Variants in TAS2R1 observed in about 807,000 individuals in gnomAD.
TAS2R1 encodes the protein taste receptor type 2 member 1.
For synonymous variants in TAS2R1, 141 were observed against 134.2 expected, an observed-to-expected ratio of 1.05 and a Z score of -0.35; for missense variants, 370 against 353.4, an observed-to-expected ratio of 1.05 and a Z score of -0.38.
At chr5:9,761,658 T>C in the TAS2R1 span, among the ~76,000 whole-genome samples, 1 of 152,224 alleles carries the variant, frequency 6.6e-6, no homozygotes, top group Non-Finnish European at 1.5e-5. Context: ...TTTGAATGCC[T>C]TTGCTCAGTT....
At chr5:9,809,265 C>G in the TAS2R1 span, among the ~76,000 whole-genome samples, 1 of 152,208 alleles carries the variant, frequency 6.6e-6, no homozygotes, top group South Asian at 2.1e-4. Context: ...GAATACATGT[C>G]TTTTGCATGT....
At chr5:9,870,940 G>T in the TAS2R1 span, among the ~76,000 whole-genome samples, 5 of 152,138 alleles carry the variant, frequency 3.3e-5, no homozygotes, top group Admixed American at 1.3e-4. Context: ...TCTCAAAATA[G>T]CATTTATTTG....
At chr5:9,685,673 G>T (rs1186338646) in intron 1 of TAS2R1, among the ~76,000 whole-genome samples, 2 of 152,086 alleles carry the variant, frequency 1.3e-5, no homozygotes, top group African/African-American at 2.4e-5. Context: ...ACCCATCCAG[G>T]TCTGATGGCT....
chr5:9,896,957 T>C, the TAS2R1 span, among the ~76,000 whole-genome samples: 2 of 152,142 alleles, frequency 1.3e-5, no homozygotes, highest in African/African-American at 4.8e-5. Context: ...AGAATGAATG[T>C]CGATGGTTCA....
At chr5:9,874,056 C>CA in the TAS2R1 span, among the ~76,000 whole-genome samples, 1 of 151,786 alleles carries the variant, frequency 6.6e-6, no homozygotes, top group Non-Finnish European at 1.5e-5. Context: ...CAAAGTACTA[C>CA]ATGGAGTGAG....
intron 1 of TAS2R1, among the ~76,000 whole-genome samples, chr5:9,664,020 A>C (rs1740584984): frequency 6.6e-6 from 1 of 152,150 alleles, no homozygotes; most frequent in South Asian, 2.1e-4. Flanking sequence ...TTGATTTTGG[A>C]CTTCTCATCT....
At chr5:9,638,399 A>C (rs1163120727) in intron 2 of TAS2R1, among the ~76,000 whole-genome samples, 1 of 152,188 alleles carries the variant, frequency 6.6e-6, no homozygotes, top group Non-Finnish European at 1.5e-5. Context: ...GCTTTCTTGA[A>C]TGCTGGTTAT....
At chr5:9,674,862 A>G (rs1740841043) in intron 1 of TAS2R1, among the ~76,000 whole-genome samples, 1 of 152,044 alleles carries the variant, frequency 6.6e-6, no homozygotes, top group African/African-American at 2.4e-5. Context: ...AGCTGGTGCA[A>G]TAATACAAGA....
At chr5:9,887,253 T>G in the TAS2R1 span, among the ~76,000 whole-genome samples, 1 of 152,208 alleles carries the variant, frequency 6.6e-6, no homozygotes, top group Non-Finnish European at 1.5e-5. Flanking sequence ...ACATCATCTA[T>G]TCACCAACTG....
At chr5:9,868,086 G>T in the TAS2R1 span, among the ~76,000 whole-genome samples, 1 of 152,202 alleles carries the variant, frequency 6.6e-6, no homozygotes, top group Non-Finnish European at 1.5e-5. Flanking sequence ...TGCTTTCACA[G>T]GCTGGCATTG....
At chr5:9,711,309 C>T (rs1205203412) in intron 1 of TAS2R1, among the ~76,000 whole-genome samples, 6 of 152,100 alleles carry the variant, frequency 3.9e-5, no homozygotes, top group Admixed American at 3.9e-4. Context: ...ACAGTATATC[C>T]ATACAATGGA....
chr5:9,855,667 G>T, the TAS2R1 span, among the ~76,000 whole-genome samples: 4 of 152,210 alleles, frequency 2.6e-5, no homozygotes, highest in East Asian at 1.9e-4. Context: ...TTTATCTTTG[G>T]CCACTGGCTT....
the TAS2R1 span, among the ~76,000 whole-genome samples, chr5:9,816,449 AAT>A: frequency 6.6e-6 from 1 of 152,180 alleles, no homozygotes; most frequent in African/African-American, 2.4e-5. Context: ...AATTACCAGG[AAT>A]GGAGAATTAA....
chr5:9,636,289 A>G (rs1429843432), intron 2 of TAS2R1, among the ~76,000 whole-genome samples: 1 of 152,066 alleles, frequency 6.6e-6, no homozygotes, highest in African/African-American at 2.4e-5. Flanking sequence ...ATTTCACTGT[A>G]GTCCGAGAGT....
At chr5:9,827,510 G>A in the TAS2R1 span, among the ~76,000 whole-genome samples, 2 of 152,170 alleles carry the variant, frequency 1.3e-5, no homozygotes, top group African/African-American at 4.8e-5. Context: ...CAAGGCAGGA[G>A]GAGTACTTGA....
the TAS2R1 span, chr5:9,902,815 C>T: frequency 6.6e-6 from 1 of 151,826 alleles, no homozygotes; most frequent in Non-Finnish European, 1.5e-5. Flanking sequence ...TACCCCTCAC[C>T]ACCTTTGAAA....
At chr5:9,735,571 T>C in the TAS2R1 span, among the ~76,000 whole-genome samples, 1 of 151,910 alleles carries the variant, frequency 6.6e-6, no homozygotes, top group African/African-American at 2.4e-5. Context: ...CATTTTAACC[T>C]CAGGTTTATA....
chr5:9,751,175 C>T, the TAS2R1 span, among the ~76,000 whole-genome samples: 1 of 151,076 alleles, frequency 6.6e-6, no homozygotes, highest in African/African-American at 2.4e-5. Flanking sequence ...ATTAGATCTG[C>T]TAAAATGTTA....
At chr5:9,833,008 G>T in the TAS2R1 span, among the ~76,000 whole-genome samples, 1 of 152,190 alleles carries the variant, frequency 6.6e-6, no homozygotes. Context: ...AAGGCGGGAC[G>T]ACAAGAGGCA....
Sources: allele counts gnomAD v4.1 joint callset (sites outside exome capture counted in the v4.1 genomes callset), GRCh38; gene constraint gnomAD v4.1.1; transcripts MANE v1.5; gene names NCBI Gene and HGNC (gene_info 2026-07-23, HGNC 2026-07-21).